Variants in ADGRE3 observed in about 807,000 individuals in gnomAD.
ADGRE3 encodes the protein EGF-like module receptor 3.
Under a neutral mutation model 80.1 loss-of-function variants are expected in ADGRE3, and 88 were observed. The ratio of observed to expected loss-of-function variants is 1.10; its 90% CI spans 0.93 to 1.31. The LOEUF is 1.31. Among genes scored for constraint, ADGRE3 ranks in the 40% most tolerant of loss-of-function variants. The pLI, the probability that ADGRE3 is intolerant of heterozygous loss-of-function variation, is 0.00. For missense variants in ADGRE3, 715 were observed against 776.5 expected, an observed-to-expected ratio of 0.92 and a Z score of 0.94; for synonymous variants, 281 against 294.8, an observed-to-expected ratio of 0.95 and a Z score of 0.48.
chr19:14,653,674 G>A (rs894548526), intron 6 of ADGRE3, among the ~76,000 whole-genome samples: 9 of 152,094 alleles, frequency 5.9e-5, no homozygotes, highest in African/African-American at 1.9e-4. Context: ...CTGGGCTCAA[G>A]CGATCCTCCC....
chr19:14,636,721 CT>C (rs1308628854), intron 11 of ADGRE3, among the ~76,000 whole-genome samples: 4 of 152,086 alleles, frequency 2.6e-5, no homozygotes, highest in Non-Finnish European at 5.9e-5. Context: ...TGTTTGGTGC[CT>C]GTTATCCTAG....
At chr19:14,605,426 G>T in the ADGRE3 span, among the ~76,000 whole-genome samples, 1 of 152,100 alleles carries the variant, frequency 6.6e-6, no homozygotes, top group South Asian at 2.1e-4. Context: ...ATCTTGGTTT[G>T]GTGGTAAGTT....
At chr19:14,646,818 T>C (rs1010452717) in intron 8 of ADGRE3, among the ~76,000 whole-genome samples, 1 of 151,836 alleles carries the variant, frequency 6.6e-6, no homozygotes, top group African/African-American at 2.4e-5. Flanking sequence ...TGCCCCAGGC[T>C]GGAGTGCAGT....
chr19:14,624,635 G>T (rs573257805), intron 15 of ADGRE3, among the ~76,000 whole-genome samples: 1 of 151,688 alleles, frequency 6.6e-6, no homozygotes, highest in African/African-American at 2.4e-5. Flanking sequence ...CACACTTGTG[G>T]TCTCAGCTAC....
chr19:14,624,835 A>G (rs763907218), intron 15 of ADGRE3, among the ~76,000 whole-genome samples: 1 of 151,748 alleles, frequency 6.6e-6, no homozygotes, highest in Non-Finnish European at 1.5e-5. Flanking sequence ...AACACCAAAC[A>G]CCGCATGTTC....
At chr19:14,609,920 C>T in the ADGRE3 span, 1 of 623,158 alleles carries the variant, frequency 1.6e-6, no homozygotes, top group East Asian at 2.8e-5. Flanking sequence ...CTGTGCCCGG[C>T]TTACAGGTGT....
chr19:14,620,475 GAGTACATATGAA>G (rs1157070166), intron 15 of ADGRE3, among the ~76,000 whole-genome samples: 4,436 of 31,178 alleles, frequency 0.14, 155 homozygotes, highest in East Asian at 0.29. Flanking sequence ...AATATATTAT[GAGTACATATGAA>G]TATATATGAA....
downstream of ADGRE3, among the ~76,000 whole-genome samples, chr19:14,616,721 T>C (rs1300202468): frequency 6.6e-6 from 1 of 151,648 alleles, no homozygotes; most frequent in East Asian, 1.9e-4. Flanking sequence ...AGAAGTTAGA[T>C]TGCAGTGGTT....
downstream of ADGRE3, among the ~76,000 whole-genome samples, chr19:14,615,527 G>A (rs1010303194): frequency 1.2e-4 from 18 of 152,014 alleles, no homozygotes; most frequent in East Asian, 9.7e-4. Flanking sequence ...TTGGGAGGCC[G>A]AGGCAGGTGG....
chr19:14,617,341 C>CCTCCCTCCCTCTCTTTCTTTCTTT, downstream of ADGRE3, among the ~76,000 whole-genome samples: 784 of 57,246 alleles, frequency 0.014, 22 homozygotes, highest in Middle Eastern at 0.042. Flanking sequence ...TCCCTCCCTC[C>CCTCCCTCCCTCTCTTTCTTTCTTT]CTTTCTTTCT....
At position 14,632,921 on chromosome 19, in the gene ADGRE3, C is replaced by T; in HGVS notation, c.1643G>A (p.Arg548Lys). The T allele has an allele frequency of 1.2e-6, 2 of 1,602,172 alleles. No individual in the cohort carries two copies. The highest frequency in any genetic ancestry group is 1.7e-6 in the Non-Finnish European group (2 of 1,169,190). The part of the protein sequence containing the change: ...NSEVSTIQNT[R>K]MLAFKATAQL... ...GGAAGTACCATTTGTCACATCCTAC[C>T]TTGTGTTCTGGATGGTTGACACTTC... Residue 548 changes from arginine (R) to lysine (K), a missense_variant and splice_region_variant, in exon 13 of 16, where the codon AGG becomes AAG. Physicochemically the swap from Arg to Lys is conservative, Grantham distance 26. Transcript: ENST00000253673.
chr19:14,623,642 C>T (rs1420527923), intron 15 of ADGRE3, among the ~76,000 whole-genome samples: 1 of 152,180 alleles, frequency 6.6e-6, no homozygotes. Flanking sequence ...CAGAATCCCT[C>T]CCCTGGAGCC....
At chr19:14,624,588 C>T (rs1251906608) in intron 15 of ADGRE3, among the ~76,000 whole-genome samples, 5 of 151,444 alleles carry the variant, frequency 3.3e-5, no homozygotes, top group Non-Finnish European at 1.5e-5. Flanking sequence ...GACTCCATCT[C>T]TCTCTCTATA....
At chr19:14,625,471 C>T (rs756672370) in intron 15 of ADGRE3, 21 bp downstream of exon 15, 83 of 1,429,504 alleles carry the variant, frequency 5.8e-5, no homozygotes, top group Non-Finnish European at 8.0e-5. Context: ...AACATTAGAA[C>T]AATTCAGATG....
At chr19:14,633,488 C>T (rs191698885) in intron 11 of ADGRE3, among the ~76,000 whole-genome samples, 186 bp from the exon 12 acceptor site, 11 of 152,032 alleles carry the variant, frequency 7.2e-5, no homozygotes, top group African/African-American at 2.4e-4. Flanking sequence ...GGGCGGCTCA[C>T]GAAGTCAGGA....
At position 14,621,676 on chromosome 19, in the gene ADGRE3, C is replaced by T. The variant is rs1970611358; in HGVS notation, c.1921-2205G>A. On this transcript the variant is annotated intron_variant, in intron 15 of 15. Coordinates refer to ENST00000253673, the MANE Select transcript of ADGRE3 (RefSeq NM_032571.5). ...GATTGACCACAGTTGTTACGGCACT[C>T]TTATAAATAGGATTTTCACCCGTGT... 1.9e-6 allele frequency: 2 copies of T among 1,031,618 alleles called. 1 individual carries two copies. Among genetic ancestry groups the T allele is most frequent in the Non-Finnish European group, 2.7e-6 (2 of 739,520 alleles). 63.9% of individuals were successfully genotyped at this position (1,031,618 alleles called of 1,614,324 possible).
chr19:14,607,010 C>G, the ADGRE3 span: 1 of 1,301,296 alleles, frequency 7.7e-7, no homozygotes, highest in Non-Finnish European at 9.8e-7. Flanking sequence ...TGGCCAAGGC[C>G]CATGGCTCTC....
At chr19:14,611,107 G>T in the ADGRE3 span, 1 of 151,490 alleles carries the variant, frequency 6.6e-6, no homozygotes, top group African/African-American at 2.4e-5. Flanking sequence ...AAGTGGGCTG[G>T]TCTCATGTAG....
intron 8 of ADGRE3, among the ~76,000 whole-genome samples, chr19:14,645,022 G>C (rs1971360066): frequency 6.6e-6 from 1 of 152,124 alleles, no homozygotes; most frequent in African/African-American, 2.4e-5. Flanking sequence ...CGCTGTACCT[G>C]ATTTCTATTT....
Sources: allele counts gnomAD v4.1 joint callset (sites outside exome capture counted in the v4.1 genomes callset), GRCh38; gene constraint gnomAD v4.1.1; transcripts MANE v1.5; gene names NCBI Gene and HGNC (gene_info 2026-07-23, HGNC 2026-07-21).